Variants in OSMR observed in about 807,000 individuals in gnomAD.
OSMR encodes the protein oncostatin-M-specific receptor subunit beta.
A neutral mutation model predicts 99.9 loss-of-function variants in OSMR; 81 were observed. That is an observed-to-expected ratio of 0.81 (90% CI 0.68 to 0.97). OSMR has a LOEUF of 0.97. Among genes scored for constraint, OSMR ranks in the 50% least tolerant of loss-of-function variants. The probability of loss-of-function intolerance (pLI) is 0.00; values close to 1 mark genes in which losing one functional copy is unlikely to be tolerated. For missense variants in OSMR, 1,099 were observed against 1,153.4 expected (o/e 0.95, Z 0.68); for synonymous variants, 406 against 410.4 (o/e 0.99, Z 0.13).
chr5:38,932,362 C>A, intron 16 of OSMR, 101 bp from the exon 17 acceptor site: 1 of 832,498 alleles, frequency 1.2e-6, no homozygotes, highest in Non-Finnish European at 2.1e-6. Context: ...TAATAAGTTA[C>A]AACGCAAGGA....
intron 9 of OSMR, among the ~76,000 whole-genome samples, chr5:38,906,692 A>G (rs995259102): frequency 1.3e-5 from 2 of 152,192 alleles, no homozygotes; most frequent in Non-Finnish European, 2.9e-5. Flanking sequence ...CCTTTAACTT[A>G]AAGTATAAAG....
chr5:38,944,114 C>T, intron 1 of OSMR: 1 of 413,906 alleles, frequency 2.4e-6, no homozygotes, highest in Non-Finnish European at 4.6e-6. Flanking sequence ...AAATCCATTA[C>T]ATGTTAACAT....
At chr5:38,854,976 G>A (rs1398756531) in intron 1 of OSMR, among the ~76,000 whole-genome samples, 2 of 152,170 alleles carry the variant, frequency 1.3e-5, no homozygotes, top group South Asian at 2.1e-4. Context: ...AGAGAAAGCC[G>A]GCCGGGTGGA....
At chr5:38,915,010 G>A (rs1745814833) in intron 9 of OSMR, among the ~76,000 whole-genome samples, 2 of 152,138 alleles carry the variant, frequency 1.3e-5, no homozygotes, top group South Asian at 2.1e-4. Context: ...GAGTTTCTAG[G>A]AAGTATTTTT....
In OSMR at chr5:38,897,265, G is replaced by A. The variant is rs191346955; in HGVS notation, c.992-6617G>A. Among the ~76,000 whole-genome samples, 510 of 152,156 alleles carry A rather than the reference G, an allele frequency of 3.4e-3. 5 individuals carry two copies. Among genetic ancestry groups the A allele is most frequent in the Non-Finnish European group, 4.9e-3 (336 of 67,924 alleles). ...ATGTTTGGTAGAGTTTAGCAGTGAA[G>A]CCACTGGGTCCCAGGCTTTTCTTTG... On this transcript the variant is annotated intron_variant, in intron 7 of 17. Transcript: ENST00000274276.
chr5:38,945,242 A>G, downstream of OSMR: 3 of 624,376 alleles, frequency 4.8e-6, no homozygotes, highest in Admixed American at 3.1e-5. Context: ...TACAGCATGC[A>G]AAGGGCCTGG....
intron 7 of OSMR, among the ~76,000 whole-genome samples, chr5:38,903,233 C>A (rs375235025): frequency 1.6e-4 from 24 of 152,218 alleles, no homozygotes; most frequent in African/African-American, 4.1e-4. Flanking sequence ...AGACAGGCAG[C>A]AAGGGATAAC....
At chr5:38,908,945 A>G (rs1188167297) in intron 9 of OSMR, among the ~76,000 whole-genome samples, 2 of 152,216 alleles carry the variant, frequency 1.3e-5, no homozygotes. Flanking sequence ...CAGAATTAGA[A>G]TTCAGAATAT....
intron 1 of OSMR, among the ~76,000 whole-genome samples, chr5:38,864,304 T>A (rs1579649559): frequency 6.6e-6 from 1 of 152,202 alleles, no homozygotes; most frequent in Non-Finnish European, 1.5e-5. Context: ...TGGATATATC[T>A]GAGTCATAGC....
rs757907049 is a variant in OSMR at position 38,932,530 on chromosome 5, T to C, written c.2362T>C (p.Phe788Leu). ...YKSSILSLIKFKENPHLIIMN... is the reference protein window; with the variant it reads ...YKSSILSLIKLKENPHLIIMN... ...GAGCAGCATCCTGTCATTAATAAAA[T>C]TCAAGGTAAATGTTGGCAAATTGTA... The change falls in exon 17 of 18, where the codon TTC (phenylalanine) becomes CTC (leucine). Residue 788 changes from phenylalanine (F) to leucine (L), a missense_variant. By Grantham distance (22) the Phe-to-Leu change is conservative. Coordinates refer to ENST00000274276, the MANE Select transcript of OSMR (RefSeq NM_003999.3). 2 of 1,613,140 alleles carry C rather than the reference T, an allele frequency of 1.2e-6. No individual in the cohort carries two copies. Among genetic ancestry groups the C allele is most frequent in the Non-Finnish European group, 8.5e-7 (1 of 1,179,198 alleles).
intron 7 of OSMR, among the ~76,000 whole-genome samples, chr5:38,887,063 T>C (rs1430760910): frequency 6.6e-6 from 1 of 152,172 alleles, no homozygotes; most frequent in Non-Finnish European, 1.5e-5. Context: ...TCATGAGTAT[T>C]TTGGCCACAT....
chr5:38,930,607 G>A lies in OSMR; in HGVS notation c.2213-1276G>A, dbSNP rs79070073. On this transcript the variant is annotated intron_variant, in intron 15 of 17. Coordinates refer to ENST00000274276, the MANE Select transcript of OSMR (RefSeq NM_003999.3). ...AAAAGGGATGTTTACCAACCCAGCT[G>A]AATTATTATTTGGTGGAAATTGCAA... 3.4e-3 allele frequency among the ~76,000 whole-genome samples: 520 copies of A among 152,242 alleles called. 6 individuals are homozygous for A. Among genetic ancestry groups the A allele is most frequent in the African/African-American group, 0.012 (499 of 41,528 alleles).
At position 38,889,779 on chromosome 5, in the gene OSMR, C is replaced by A. The variant is rs1438860436; in HGVS notation, c.991+3589C>A. On this transcript the variant is annotated intron_variant, in intron 7 of 17. Coordinates refer to ENST00000274276, the MANE Select transcript of OSMR (RefSeq NM_003999.3). Reference sequence around the variant, plus strand: ...ACCAATTTTGCTTTGAAAATTAATTCTTTTTATTGTGTTTTGTTGTTGTTG... The same window carrying A: ...ACCAATTTTGCTTTGAAAATTAATTATTTTTATTGTGTTTTGTTGTTGTTG... Among the ~76,000 whole-genome samples, 5 of 152,182 alleles carry A rather than the reference C, an allele frequency of 3.3e-5. No homozygotes were observed. The East Asian group carries it at 7.7e-4, about 23-fold the overall frequency.
chr5:38,853,413 A>G lies in OSMR; in HGVS notation c.-14+7026A>G, dbSNP rs116168860. On this transcript the variant is annotated intron_variant, in intron 1 of 17. Coordinates refer to ENST00000274276, the MANE Select transcript of OSMR (RefSeq NM_003999.3). ...AAGGACATTGAAACCTAGAGGGGTT[A>G]AATCACTTGTCATTGGCCATATGGT... Among the ~76,000 whole-genome samples, 826 of 152,306 alleles carry G rather than the reference A, an allele frequency of 5.4e-3. 9 individuals carry two copies. The highest frequency in any genetic ancestry group is 0.019 in the African/African-American group (792 of 41,562).
chr5:38,942,155 C>T, intron 1 of OSMR: 1 of 444,748 alleles, frequency 2.2e-6, no homozygotes. Context: ...GTCAGCAGTT[C>T]CAACTGTTCA....
At chr5:38,891,642 C>A (rs1241182311) in intron 7 of OSMR, among the ~76,000 whole-genome samples, 1 of 152,190 alleles carries the variant, frequency 6.6e-6, no homozygotes, top group East Asian at 1.9e-4. Flanking sequence ...GAGAACCCAC[C>A]TGCCCCTGCC....
At chr5:38,864,948 C>G (rs929649328) in intron 1 of OSMR, among the ~76,000 whole-genome samples, 2 of 152,188 alleles carry the variant, frequency 1.3e-5, no homozygotes, top group Non-Finnish European at 2.9e-5. Context: ...CTCTGTCTGT[C>G]TGTATCTCTG....
chr5:38,888,426 G>A, intron 7 of OSMR, among the ~76,000 whole-genome samples: 1 of 151,748 alleles, frequency 6.6e-6, no homozygotes, highest in Non-Finnish European at 1.5e-5. Context: ...GGGGTGGCGG[G>A]GGTGGGGTCG....
chr5:38,862,206 C>T (rs1487773552), intron 1 of OSMR, among the ~76,000 whole-genome samples: 4 of 111,494 alleles, frequency 3.6e-5, no homozygotes, highest in African/African-American at 7.0e-5. Context: ...GCAGAGGCGC[C>T]CCTCACCTCC....
Sources: gnomAD v4.1 joint callset for allele counts (sites outside exome capture counted in the v4.1 genomes callset) on GRCh38, gnomAD v4.1.1 for gene constraint, MANE v1.5 for transcripts, NCBI Gene and HGNC (gene_info 2026-07-23, HGNC 2026-07-21) for gene names.